Variants in CAPN3 observed in about 807,000 individuals in gnomAD.
CAPN3 encodes calpain 3.
Under a neutral mutation model 114.0 loss-of-function variants are expected in CAPN3, and 88 were observed. The observed-to-expected ratio is 0.77, with a 90% CI of 0.65 to 0.92. CAPN3 has a LOEUF of 0.92. CAPN3 is among the 40% of genes least tolerant of loss of function. CAPN3 has a pLI of 0.00. For synonymous variants in CAPN3, 386 were observed against 382.9 expected (o/e 1.01, Z -0.09); for missense variants, 1,028 against 1,069.0 (o/e 0.96, Z 0.53).
chr15:42,362,890 A>G (rs2052680948), intron 1 of CAPN3, among the ~76,000 whole-genome samples: 1 of 152,226 alleles, frequency 6.6e-6, no homozygotes, highest in African/African-American at 2.4e-5. Context: ...ACTGTGTCCT[A>G]TCAGGAGAAG....
intron 1 of CAPN3, among the ~76,000 whole-genome samples, chr15:42,367,854 G>T (rs767577927): frequency 9.9e-5 from 15 of 152,050 alleles, no homozygotes; most frequent in South Asian, 6.2e-4. Flanking sequence ...AGAGATAGGA[G>T]TCTCACTATG....
At chr15:42,396,652 G>T in intron 8 of CAPN3, 148 bp from the exon 9 acceptor site, 1 of 679,472 alleles carries the variant, frequency 1.5e-6, no homozygotes. Context: ...ATTGCTATTG[G>T]GTTTCACACT....
At chr15:42,405,397 G>C (rs900622952) in intron 14 of CAPN3, among the ~76,000 whole-genome samples, 1 of 152,162 alleles carries the variant, frequency 6.6e-6, no homozygotes, top group Non-Finnish European at 1.5e-5. Flanking sequence ...TGCAACCTCC[G>C]CCTCCCGGGT....
chr15:42,382,517 C>T (rs779404768), intron 1 of CAPN3, among the ~76,000 whole-genome samples: 7 of 152,016 alleles, frequency 4.6e-5, no homozygotes, highest in Non-Finnish European at 7.4e-5. Context: ...TATAGGCATG[C>T]GCCACCATGT....
At chr15:42,409,870 TG>T in intron 18 of CAPN3, 26 bp downstream of exon 18, 2 of 150,036 alleles carry the variant, frequency 1.3e-5, no homozygotes, top group Non-Finnish European at 2.7e-5. Context: ...CAAATGGGGG[TG>T]GGGTGGGTGG....
intron 1 of CAPN3, among the ~76,000 whole-genome samples, chr15:42,365,349 C>G (rs1357527852): frequency 6.6e-6 from 1 of 152,298 alleles, no homozygotes. Context: ...CCACCTCCAG[C>G]TTAACCTCCA....
At chr15:42,361,977 G>A (rs1760780244) in intron 1 of CAPN3, among the ~76,000 whole-genome samples, 1 of 152,198 alleles carries the variant, frequency 6.6e-6, no homozygotes, top group Non-Finnish European at 1.5e-5. Flanking sequence ...AATCCTTCCT[G>A]TTCATCTTTG....
At chr15:42,401,013 G>T (rs1414874587) in intron 10 of CAPN3, among the ~76,000 whole-genome samples, 2 of 152,086 alleles carry the variant, frequency 1.3e-5, no homozygotes, top group Non-Finnish European at 2.9e-5. Flanking sequence ...GGCTAACATG[G>T]TGAAAACCCA....
intron 1 of CAPN3, among the ~76,000 whole-genome samples, chr15:42,377,677 C>T (rs1201956258): frequency 6.6e-6 from 1 of 152,038 alleles, no homozygotes; most frequent in African/African-American, 2.4e-5. Flanking sequence ...TAATGCTGGC[C>T]TGATAGAATG....
At position 42,388,995 on chromosome 15, in the gene CAPN3, G is replaced by A. The variant is rs886042440; in HGVS notation, c.700G>A (p.Gly234Arg). The change falls in exon 5 of 24, where the codon GGG (glycine) becomes AGG (arginine). Residue 234 changes from glycine to arginine, a missense_variant. Gly to Arg is a moderately radical substitution (Grantham distance 125, BLOSUM62 -2). Coordinates refer to ENST00000397163, the MANE Select transcript of CAPN3 (RefSeq NM_000070.3). ...AGAGGCCATGGAGGACTTCACAGGAGGGGTGGCAGAGTTTTTTGAGATCAG... is the reference window on the plus strand; with the variant it reads ...AGAGGCCATGGAGGACTTCACAGGAAGGGTGGCAGAGTTTTTTGAGATCAG... Reference protein sequence around the residue: ...TTEAMEDFTGGVAEFFEIRDA... With the variant: ...TTEAMEDFTGRVAEFFEIRDA... 2 of 1,614,126 alleles carry A rather than the reference G, an allele frequency of 1.2e-6. No individual in the cohort carries two copies. The highest frequency in any genetic ancestry group is 1.7e-6 in the Non-Finnish European group (2 of 1,180,006).
intron 23 of CAPN3, among the ~76,000 whole-genome samples, 154 bp from the exon 24 acceptor site, chr15:42,411,593 A>G (rs1324426503): frequency 6.7e-6 from 1 of 148,780 alleles, no homozygotes; most frequent in Non-Finnish European, 1.5e-5. Context: ...ATCTAGGAGA[A>G]AGGAAACAGT....
chr15:42,368,929 A>C (rs891058163), intron 1 of CAPN3, among the ~76,000 whole-genome samples: 3 of 152,220 alleles, frequency 2.0e-5, no homozygotes, highest in Non-Finnish European at 4.4e-5. Flanking sequence ...GTTTGTGCCT[A>C]TAGTCCTAGC....
intron 1 of CAPN3, among the ~76,000 whole-genome samples, chr15:42,383,424 C>G (rs888484842): frequency 1.3e-5 from 2 of 152,116 alleles, no homozygotes; most frequent in Non-Finnish European, 2.9e-5. Flanking sequence ...CCTCATCTCT[C>G]TCTACTAAGA....
At chr15:42,401,571 C>G in intron 10 of CAPN3, 70 bp from the exon 11 acceptor site, 2 of 1,401,044 alleles carry the variant, frequency 1.4e-6, no homozygotes, top group South Asian at 1.2e-5. Context: ...TAAATGGCTC[C>G]CTCTGTCTCA....
At chr15:42,376,793 A>G (rs2053100077) in intron 1 of CAPN3, among the ~76,000 whole-genome samples, 1 of 152,224 alleles carries the variant, frequency 6.6e-6, no homozygotes, top group East Asian at 1.9e-4. Context: ...CCAGCTGTAT[A>G]CACATATCTA....
intron 14 of CAPN3, chr15:42,404,183 A>T (rs1023384231): frequency 4.4e-5 from 20 of 458,930 alleles, no homozygotes; most frequent in Non-Finnish European, 7.4e-5. Context: ...TCCTCCACTT[A>T]CCAGCGGGGT....
rs1595838740 is a variant in CAPN3, at chr15:42,402,958, G to C, written c.1701G>C (p.Gly567=). ...VPSTYEPHQE[G]EFILRVFSEK... Reference sequence around the variant, plus strand: ...CCACCTACGAGCCCCACCAGGAGGGGGAATTCATCCTCCGGGTCTTCTCTG... The same window carrying C: ...CCACCTACGAGCCCCACCAGGAGGGCGAATTCATCCTCCGGGTCTTCTCTG... The change falls in exon 13 of 24, where the codon GGG becomes GGC. Residue 567 remains glycine, a synonymous_variant. Coordinates refer to ENST00000397163, the MANE Select transcript of CAPN3 (RefSeq NM_000070.3). The C allele has an allele frequency of 6.2e-7, 1 of 1,614,052 alleles. No homozygotes were observed. Among genetic ancestry groups the C allele is most frequent in the Admixed American group, 1.7e-5 (1 of 59,998 alleles).
At chr15:42,396,986 C>T (rs898493662) in intron 9 of CAPN3, 109 bp downstream of exon 9, 2 of 847,248 alleles carry the variant, frequency 2.4e-6, no homozygotes, top group African/African-American at 3.3e-5. Context: ...CTTGGGAGAT[C>T]TGGGCTGTGT....
chr15:42,411,831 C>CTATT lies in CAPN3; in HGVS notation c.*60_*63dup, dbSNP rs1555423446. 53 of 1,613,702 alleles carry CTATT rather than the reference C, an allele frequency of 3.3e-5. No homozygotes were observed. The highest frequency in any genetic ancestry group is 8.0e-5 in the African/African-American group (6 of 74,884). On this transcript the variant is annotated 3_prime_UTR_variant, in exon 24 of 24. Transcript: ENST00000397163. Reference sequence around the variant, plus strand: ...TCACTCAGGATTTCAGTTTCACCCTCTATTTCCAAAGCCATTTACCTCAAA... The same window carrying CTATT: ...TCACTCAGGATTTCAGTTTCACCCTCTATTTATTTCCAAAGCCATTTACCTCAAA...
Sources: allele counts gnomAD v4.1 joint callset (sites outside exome capture counted in the v4.1 genomes callset), GRCh38; gene constraint gnomAD v4.1.1; transcripts MANE v1.5; gene names NCBI Gene and HGNC (gene_info 2026-07-23, HGNC 2026-07-21).